UBTD2: variants seen among roughly 807,000 people sequenced by gnomAD.
UBTD2 encodes the protein ubiquitin domain containing 2.
In UBTD2, 9 loss-of-function variants were observed where a neutral mutation model predicts 19.8. The ratio of observed to expected loss-of-function variants is 0.46; its 90% CI spans 0.27 to 0.79. The LOEUF is 0.79. Among genes scored for constraint, UBTD2 ranks in the 30% least tolerant of loss-of-function variants. UBTD2 has a pLI of 0.14. For missense variants in UBTD2, 250 were observed against 300.4 expected, an observed-to-expected ratio of 0.83 and a Z score of 1.24; for synonymous variants, 98 against 103.9, an observed-to-expected ratio of 0.94 and a Z score of 0.35.
chr5:172,224,785 G>A (rs907729896), intron 2 of UBTD2, among the ~76,000 whole-genome samples: 6 of 152,032 alleles, frequency 3.9e-5, no homozygotes, highest in East Asian at 1.9e-4. Flanking sequence ...CCTAGTCTCC[G>A]GCAGTTCTTT....
intron 1 of UBTD2, among the ~76,000 whole-genome samples, chr5:172,247,263 T>G (rs1337861676): frequency 6.6e-6 from 1 of 151,980 alleles, no homozygotes; most frequent in Non-Finnish European, 1.5e-5. Flanking sequence ...GCTCCAGAGA[T>G]AAATGATAAC....
At chr5:172,243,033 A>G (rs1415666068) in intron 1 of UBTD2, among the ~76,000 whole-genome samples, 1 of 151,576 alleles carries the variant, frequency 6.6e-6, no homozygotes, top group Non-Finnish European at 1.5e-5. Flanking sequence ...TCACTACGTT[A>G]CCGAATCTGG....
intron 1 of UBTD2, among the ~76,000 whole-genome samples, chr5:172,282,461 CAAA>C (rs10573508): frequency 0.018 from 2,788 of 152,172 alleles, 72 homozygotes; most frequent in African/African-American, 0.064. Context: ...ATCCATTAGC[CAAA>C]AAACTTAGGT....
chr5:172,232,725 C>CA (rs1407270538), intron 2 of UBTD2, among the ~76,000 whole-genome samples: 5 of 150,502 alleles, frequency 3.3e-5, no homozygotes, highest in Admixed American at 1.3e-4. Flanking sequence ...AACAAAAAAA[C>CA]AAAAAAAAAG....
chr5:172,231,422 T>C (rs1242615535), intron 2 of UBTD2, among the ~76,000 whole-genome samples: 1 of 152,254 alleles, frequency 6.6e-6, no homozygotes, highest in Non-Finnish European at 1.5e-5. Flanking sequence ...CTAATAATTC[T>C]TGAATTTCTG....
At chr5:172,240,818 G>A (rs1772111764) in intron 1 of UBTD2, among the ~76,000 whole-genome samples, 1 of 152,154 alleles carries the variant, frequency 6.6e-6, no homozygotes, top group Non-Finnish European at 1.5e-5. Context: ...GGGTGTGGTA[G>A]CTCATGCCTG....
chr5:172,232,652 G>C (rs998200115), intron 2 of UBTD2, among the ~76,000 whole-genome samples: 14 of 152,062 alleles, frequency 9.2e-5, no homozygotes, highest in African/African-American at 3.4e-4. Flanking sequence ...CTTGAACCCA[G>C]GAGTTCGAGA....
chr5:172,227,306 G>A (rs1381853228), intron 2 of UBTD2, among the ~76,000 whole-genome samples: 2 of 152,026 alleles, frequency 1.3e-5, no homozygotes, highest in African/African-American at 2.4e-5. Flanking sequence ...TAGATAAACT[G>A]GAATACATTT....
intron 2 of UBTD2, among the ~76,000 whole-genome samples, chr5:172,227,698 T>C: frequency 1.0e-5 from 1 of 99,532 alleles, no homozygotes; most frequent in East Asian, 2.3e-4. Context: ...AAAAATTCTT[T>C]TTTTTTTTTT....
At chr5:172,236,335 CTCTT>C (rs1212415260) in intron 1 of UBTD2, among the ~76,000 whole-genome samples, 1 of 152,230 alleles carries the variant, frequency 6.6e-6, no homozygotes, top group East Asian at 1.9e-4. Flanking sequence ...GAATCCAAGT[CTCTT>C]TATTTAATCA....
intron 1 of UBTD2, among the ~76,000 whole-genome samples, chr5:172,271,601 A>C (rs1346493230): frequency 6.6e-6 from 1 of 152,172 alleles, no homozygotes; most frequent in African/African-American, 2.4e-5. Context: ...GCCATAAGGT[A>C]CTTAATATAC....
intron 1 of UBTD2, among the ~76,000 whole-genome samples, chr5:172,252,774 T>C (rs1024157010): frequency 3.9e-5 from 6 of 152,132 alleles, no homozygotes; most frequent in Non-Finnish European, 8.8e-5. Context: ...GTTTTTGCAG[T>C]CAAAGCCCTC....
rs1275301954 is a variant in UBTD2, at chr5:172,283,506, G to A, written c.70+90C>T. ...AGAGGGGATGACAAAGGGGCGCGGG[G>A]GCCCGGCGCGGCCCGCGGGGGTCGG... On this transcript the variant is annotated intron_variant, in intron 1 of 2. Transcript: ENST00000393792. This position sits in a 1 kb window ranked among gnomAD's most constrained non-coding sequence, Gnocchi z 4.3. 3 of 1,023,266 alleles carry A rather than the reference G, an allele frequency of 2.9e-6. No individual in the cohort carries two copies. Among genetic ancestry groups the A allele is most frequent in the East Asian group, 6.8e-5 (2 of 29,262 alleles). The allele number at this position is 1,023,266 out of a possible 1,614,324, so 63.4% of individuals were successfully genotyped here.
chr5:172,278,801 G>C, intron 1 of UBTD2, among the ~76,000 whole-genome samples: 1 of 152,112 alleles, frequency 6.6e-6, no homozygotes, highest in East Asian at 1.9e-4. Context: ...TTGAGACCGA[G>C]TCTCACTCTG....
intron 2 of UBTD2, among the ~76,000 whole-genome samples, chr5:172,221,609 T>C (rs1056256755): frequency 1.1e-4 from 16 of 152,276 alleles, no homozygotes; most frequent in African/African-American, 3.9e-4. Flanking sequence ...TAAAGCTATA[T>C]ATAATATGAT....
Position 172,254,267 on chromosome 5 carries a change from T to C in UBTD2, c.71-19909A>G, listed in dbSNP as rs540667163. Among the ~76,000 whole-genome samples, 7 of 152,074 alleles carry C rather than the reference T, an allele frequency of 4.6e-5. No individual in the cohort carries two copies. In the South Asian group the frequency reaches 1.2e-3, roughly 27 times the overall value. On this transcript the variant is annotated intron_variant, in intron 1 of 2. Coordinates refer to ENST00000393792, the MANE Select transcript of UBTD2 (RefSeq NM_152277.3). ...GGTATCCGCCACCACGCCCGGTTAA[T>C]TTTTGTATTTTTAGTAGAGATGGGG...
At chr5:172,224,193 G>A (rs1050936072) in intron 2 of UBTD2, among the ~76,000 whole-genome samples, 3 of 151,868 alleles carry the variant, frequency 2.0e-5, no homozygotes, top group Non-Finnish European at 2.9e-5. Flanking sequence ...TAAACCCCAC[G>A]TACCTAGGGA....
intron 1 of UBTD2, among the ~76,000 whole-genome samples, chr5:172,245,325 T>C (rs985060556): frequency 1.3e-5 from 2 of 152,170 alleles, no homozygotes; most frequent in Non-Finnish European, 2.9e-5. Context: ...TGGGGGAAAC[T>C]GCAGAGCAGA....
chr5:172,220,202 A>G (rs1357574025), intron 2 of UBTD2, among the ~76,000 whole-genome samples: 1 of 152,348 alleles, frequency 6.6e-6, no homozygotes, highest in East Asian at 1.9e-4. Flanking sequence ...AATATAATCC[A>G]TAATATCAAT....
Sources: gnomAD v4.1 joint callset for allele counts (sites outside exome capture counted in the v4.1 genomes callset) on GRCh38, gnomAD v4.1.1 for gene constraint, Gnocchi (gnomAD v3.1) non-coding constraint, MANE v1.5 for transcripts, NCBI Gene and HGNC (gene_info 2026-07-23, HGNC 2026-07-21) for gene names.